SEC14L1: variants seen among roughly 807,000 people sequenced by gnomAD.
SEC14L1 encodes the protein SEC14 like lipid binding 1, also known as SEC14-like protein 1.
SEC14L1 carries 48 observed loss-of-function variants against 85.3 expected under a neutral mutation model. The ratio of observed to expected loss-of-function variants is 0.56; its 90% CI spans 0.45 to 0.72. The LOEUF (loss-of-function observed/expected upper bound fraction) is 0.72. Ranked by LOEUF, SEC14L1 falls within the 30% of genes least tolerant of loss-of-function variation. The pLI, the probability that SEC14L1 is intolerant of heterozygous loss-of-function variation, is 0.00. For synonymous variants in SEC14L1, 391 were observed against 355.5 expected (o/e 1.10, Z -1.12); for missense variants, 682 against 921.4 (o/e 0.74, Z 3.36).
intron 3 of SEC14L1, chr17:77,127,961 G>C (rs549112247): frequency 6.6e-6 from 1 of 152,514 alleles, no homozygotes; most frequent in South Asian, 2.1e-4. Context: ...GAAGAAGCCA[G>C]AACAGACCTT....
At chr17:77,119,452 T>C (rs551243971) in intron 3 of SEC14L1, among the ~76,000 whole-genome samples, 3 of 152,236 alleles carry the variant, frequency 2.0e-5, no homozygotes, top group African/African-American at 7.2e-5. Flanking sequence ...CTGGTCCTCA[T>C]TGGCGTTAAA....
chr17:77,114,206 C>A (rs952708580), intron 3 of SEC14L1, among the ~76,000 whole-genome samples: 1 of 152,190 alleles, frequency 6.6e-6, no homozygotes, highest in Non-Finnish European at 1.5e-5. Context: ...CCACTGCCTT[C>A]CCTCCACCCC....
chr17:77,136,838 G>A (rs1049971566), upstream of SEC14L1, among the ~76,000 whole-genome samples: 2 of 152,012 alleles, frequency 1.3e-5, no homozygotes, highest in African/African-American at 4.8e-5. Flanking sequence ...AGAAATACTT[G>A]AGACTGGGTA....
intron 9 of SEC14L1, among the ~76,000 whole-genome samples, chr17:77,203,275 G>C (rs574602246): frequency 2.6e-5 from 4 of 152,102 alleles, no homozygotes; most frequent in Admixed American, 6.5e-5. Context: ...TATGCAGCTC[G>C]AGCTGAGTGA....
chr17:77,165,762 A>C (rs1675801066), intron 3 of SEC14L1, among the ~76,000 whole-genome samples: 1 of 151,976 alleles, frequency 6.6e-6, no homozygotes, highest in African/African-American at 2.4e-5. Flanking sequence ...TCCTTTTTTT[A>C]GTCGGCTAAT....
At chr17:77,146,023 T>C (rs1748330681) in intron 3 of SEC14L1, among the ~76,000 whole-genome samples, 1 of 152,240 alleles carries the variant, frequency 6.6e-6, no homozygotes, top group Non-Finnish European at 1.5e-5. Context: ...TCCTGTCACA[T>C]TTCATAGTTC....
chr17:77,103,853 C>A (rs1388883549), intron 3 of SEC14L1, among the ~76,000 whole-genome samples: 1 of 150,522 alleles, frequency 6.6e-6, no homozygotes, highest in Non-Finnish European at 1.5e-5. Flanking sequence ...CAATGCACAG[C>A]GGGAAGACCG....
chr17:77,157,413 A>G (rs1024175001), intron 3 of SEC14L1, among the ~76,000 whole-genome samples: 8 of 152,296 alleles, frequency 5.3e-5, no homozygotes, highest in African/African-American at 1.7e-4. Flanking sequence ...GTGGCTTCAC[A>G]AGGCTTCCAG....
intron 9 of SEC14L1, among the ~76,000 whole-genome samples, chr17:77,202,874 G>A (rs532472117): frequency 6.6e-6 from 1 of 151,522 alleles, no homozygotes; most frequent in South Asian, 2.1e-4. Flanking sequence ...AGCTGAGATC[G>A]TGCCACTGCA....
At chr17:77,132,897 C>T (rs1484058534) in intron 3 of SEC14L1, among the ~76,000 whole-genome samples, 4 of 150,492 alleles carry the variant, frequency 2.7e-5, no homozygotes, top group African/African-American at 9.8e-5. Flanking sequence ...GAGTCTCACT[C>T]TCTCGCCCAG....
Position 77,213,980 on chromosome 17 carries a change from C to T in SEC14L1, c.2105C>T (p.Thr702Ile). 1 of 1,613,356 alleles carries T rather than the reference C, an allele frequency of 6.2e-7. No homozygotes were observed. The highest frequency in any genetic ancestry group is 1.1e-5 in the South Asian group (1 of 91,054). The change falls in exon 17 of 17, where the codon ACC becomes ATC. Residue 702 changes from threonine (T) to isoleucine (I), a missense_variant. Coordinates refer to ENST00000436233, the MANE Select transcript of SEC14L1 (RefSeq NM_001143998.2). This position sits in a 1 kb window ranked among gnomAD's most constrained non-coding sequence, Gnocchi z 7.1. ...SGFSQLSAAT[T>I]SSSQSHSSSM... ...TTCTCCCAGCTGAGTGCCGCCACCA[C>T]CTCCTCCAGCCAGTCCCACTCCAGC... is the stretch of plus-strand genomic sequence containing the variant.
In SEC14L1 at chr17:77,215,368, C is replaced by G; in HGVS notation, c.*1345C>G. On this transcript the variant is annotated 3_prime_UTR_variant, in exon 17 of 17. Coordinates refer to ENST00000436233, the MANE Select transcript of SEC14L1 (RefSeq NM_001143998.2). ...ATGCAACACGTGTTTCTGTGTGCAG[C>G]AGAGGCCGTGTTTTTCATGCCAAAC... 1 of 985,400 alleles carries G rather than the reference C, an allele frequency of 1.0e-6. No homozygotes were observed. The highest frequency in any genetic ancestry group is 1.2e-6 in the Non-Finnish European group (1 of 829,942). The allele number at this position is 985,400 out of a possible 1,614,324, so 61.0% of individuals were successfully genotyped here.
At chr17:77,194,571 G>A (rs943659357) in intron 6 of SEC14L1, 106 bp from the exon 7 acceptor site, 43 of 772,142 alleles carry the variant, frequency 5.6e-5, no homozygotes, top group South Asian at 1.5e-4. Flanking sequence ...AAAAGATTGT[G>A]AGGCTCACCA....
intron 3 of SEC14L1, among the ~76,000 whole-genome samples, chr17:77,106,447 G>A (rs895410442): frequency 1.3e-5 from 2 of 151,766 alleles, no homozygotes; most frequent in African/African-American, 4.8e-5. Flanking sequence ...CAGGAGAATC[G>A]CTTGAACCCG....
At chr17:77,194,962 T>A in intron 7 of SEC14L1, 51 bp downstream of exon 7, 1 of 1,408,782 alleles carries the variant, frequency 7.1e-7, no homozygotes, top group Non-Finnish European at 1.0e-6. Flanking sequence ...GAAGTCGGCG[T>A]TGCCGTTTTC....
At chr17:77,115,523 G>A (rs1289518847) in intron 3 of SEC14L1, among the ~76,000 whole-genome samples, 1 of 152,180 alleles carries the variant, frequency 6.6e-6, no homozygotes, top group Non-Finnish European at 1.5e-5. Context: ...AATTCCACTT[G>A]TTTCAGGCCC....
chr17:77,206,136 A>C lies in SEC14L1; in HGVS notation c.1170-93A>C. 1.1e-5 allele frequency: 13 copies of C among 1,206,260 alleles called. No homozygotes were observed. The highest frequency in any genetic ancestry group is 2.4e-5 in the East Asian group (1 of 41,580). The allele number at this position is 1,206,260 out of a possible 1,614,324, so 74.7% of individuals were successfully genotyped here. A position where few individuals can be genotyped will look rare whatever the true frequency, so the allele number is the denominator to read the frequency against. On this transcript the variant is annotated intron_variant, in intron 11 of 16. Transcript: ENST00000436233. The surrounding 1 kb of genome is among the most constrained non-coding windows in gnomAD (Gnocchi z 4.3). ...AAAAATTGATTATGATGTATTTGGAAATAGCTATAAATGACCAAAAAGGAA... is the reference window on the plus strand; with the variant it reads ...AAAAATTGATTATGATGTATTTGGACATAGCTATAAATGACCAAAAAGGAA...
At chr17:77,193,344 C>G in intron 5 of SEC14L1, 77 bp from the exon 6 acceptor site, 1 of 1,386,558 alleles carries the variant, frequency 7.2e-7, no homozygotes, top group South Asian at 1.6e-5. Flanking sequence ...TTTCTGGTTA[C>G]TGGTTAAACT....
upstream of SEC14L1, chr17:77,140,746 C>G (rs537490678): frequency 6.6e-6 from 1 of 152,308 alleles, no homozygotes; most frequent in Admixed American, 6.5e-5. Flanking sequence ...GCGACGGGGC[C>G]GGCGCCTTCT....
Sources: gnomAD v4.1 joint callset for allele counts (sites outside exome capture counted in the v4.1 genomes callset) on GRCh38, gnomAD v4.1.1 for gene constraint, Gnocchi (gnomAD v3.1) non-coding constraint, MANE v1.5 for transcripts, NCBI Gene and HGNC (gene_info 2026-07-23, HGNC 2026-07-21) for gene names.